Variants in ZMAT3 observed in about 807,000 individuals in gnomAD.
ZMAT3 encodes the protein zinc finger matrin-type 3.
A neutral mutation model predicts 32.3 loss-of-function variants in ZMAT3; 17 were observed. The ratio of observed to expected loss-of-function variants is 0.53; its 90% CI spans 0.36 to 0.79. ZMAT3 has a LOEUF of 0.79. Among genes scored for constraint, ZMAT3 ranks in the 30% least tolerant of loss-of-function variants. The probability of loss-of-function intolerance (pLI) is 0.00; values close to 1 mark genes in which losing one functional copy is unlikely to be tolerated. For missense variants in ZMAT3, 329 were observed against 359.7 expected, an observed-to-expected ratio of 0.91 and a Z score of 0.69; for synonymous variants, 120 against 133.1, an observed-to-expected ratio of 0.90 and a Z score of 0.68.
chr3:179,052,791 T>C (rs1357828023), intron 2 of ZMAT3, among the ~76,000 whole-genome samples: 3 of 152,248 alleles, frequency 2.0e-5, no homozygotes, highest in African/African-American at 7.2e-5. Flanking sequence ...ATATATACTA[T>C]GGAATACTAC....
rs921659117 is a variant in ZMAT3 at position 179,021,123 on chromosome 3, T to C, written c.*3894A>G. The C allele has an allele frequency of 6.6e-6, 1 of 152,200 alleles. No individual in the cohort carries two copies. The highest frequency in any genetic ancestry group is 2.4e-5 in the African/African-American group (1 of 41,454). The allele number at this position is 152,200 out of a possible 1,614,324, so 9.4% of individuals were successfully genotyped here. A position where few individuals can be genotyped will look rare whatever the true frequency, so the allele number is the denominator to read the frequency against. ...GAAGAAGAGTTGGAGGAGGAACTTT[T>C]TCCAAATAAATGGTATAAAAAAATT... On this transcript the variant is annotated 3_prime_UTR_variant, in exon 6 of 6. Coordinates refer to ENST00000311417, the MANE Select transcript of ZMAT3 (RefSeq NM_022470.4).
At chr3:179,026,383 T>C (rs1318651274) in intron 5 of ZMAT3, among the ~76,000 whole-genome samples, 1 of 134,386 alleles carries the variant, frequency 7.4e-6, no homozygotes, top group Non-Finnish European at 1.6e-5. Context: ...ATTGTGCTTT[T>C]TTTTTTTTTT....
intron 2 of ZMAT3, among the ~76,000 whole-genome samples, chr3:179,063,592 T>C (rs866908194): frequency 2.6e-5 from 4 of 152,352 alleles, no homozygotes; most frequent in South Asian, 2.1e-4. Context: ...GTGGATGCCT[T>C]AGCAAAATTC....
rs1718790852 is a variant in ZMAT3 at position 179,025,054 on chromosome 3, C to T, written c.833G>A (p.Arg278Gln). ...CAGATTCTCCATCTCATTCCTGTAC[C>T]GCTGTTCAGACACCTTGCTCTTATG... ...KQHKSKVSEQ[R>Q]YRNEMENLGY... Residue 278 changes from arginine to glutamine, a missense_variant, in exon 6 of 6, where the codon CGG (arginine) becomes CAG (glutamine). By Grantham distance (43) the Arg-to-Gln change is conservative. Transcript: ENST00000311417. The T allele has an allele frequency of 4.3e-6, 7 of 1,614,172 alleles. No homozygotes were observed. Among genetic ancestry groups the T allele is most frequent in the Non-Finnish European group, 5.9e-6 (7 of 1,180,040 alleles).
intron 2 of ZMAT3, among the ~76,000 whole-genome samples, chr3:179,058,286 C>T (rs1033863923): frequency 2.6e-5 from 4 of 152,322 alleles, no homozygotes; most frequent in Admixed American, 2.6e-4. Flanking sequence ...GCCAGTGCTG[C>T]GACTGTGCAC....
intron 2 of ZMAT3, among the ~76,000 whole-genome samples, chr3:179,047,711 T>C (rs1432642703): frequency 9.2e-6 from 1 of 109,078 alleles, no homozygotes; most frequent in Admixed American, 9.4e-5. Context: ...AAAAAAAAAA[T>C]AGCCGGATGT....
At chr3:179,033,594 A>AT (rs1719420002) in intron 2 of ZMAT3, among the ~76,000 whole-genome samples, 1 of 152,006 alleles carries the variant, frequency 6.6e-6, no homozygotes, top group Non-Finnish European at 1.5e-5. Context: ...CCAGTGACTT[A>AT]TGTCCTCACC....
chr3:179,025,006 T>C lies in ZMAT3; in HGVS notation c.*11A>G, dbSNP rs1270467233. ...GGCAGGAAAAGCTGCTCTATCTTAA[T>C]ATGATAATCACTATACATATCCCAG... On this transcript the variant is annotated 3_prime_UTR_variant, in exon 6 of 6. Coordinates refer to ENST00000311417, the MANE Select transcript of ZMAT3 (RefSeq NM_022470.4). 5.0e-6 allele frequency: 8 copies of C among 1,613,832 alleles called. No individual in the cohort carries two copies. The highest frequency in any genetic ancestry group is 2.2e-5 in the East Asian group (1 of 44,884).
At chr3:179,043,903 G>A (rs898395198) in intron 2 of ZMAT3, among the ~76,000 whole-genome samples, 2 of 152,086 alleles carry the variant, frequency 1.3e-5, no homozygotes, top group African/African-American at 4.8e-5. Flanking sequence ...TCAAAAAGTG[G>A]GCAAAGGATA....
chr3:179,070,115 G>GA (rs143499417), intron 1 of ZMAT3, among the ~76,000 whole-genome samples: 21,448 of 149,706 alleles, frequency 0.14, 1,640 homozygotes, highest in Middle Eastern at 0.21. Context: ...TGAAAAGGTG[G>GA]GGGGGGGTGT....
chr3:179,067,443 T>C, intron 2 of ZMAT3, 40 bp downstream of exon 2: 1 of 1,603,998 alleles, frequency 6.2e-7, no homozygotes, highest in Non-Finnish European at 8.5e-7. Flanking sequence ...CCCTGAAATG[T>C]TCACCCTACT....
At chr3:179,030,722 T>A (rs932797437) in intron 3 of ZMAT3, among the ~76,000 whole-genome samples, 158 bp downstream of exon 3, 13 of 152,206 alleles carry the variant, frequency 8.5e-5, no homozygotes, top group Non-Finnish European at 1.5e-4. Context: ...AATCCAGCAC[T>A]GTAGTTCAAG....
chr3:179,018,452 A>C lies in ZMAT3; in HGVS notation c.*6565T>G, dbSNP rs1718383139. On this transcript the variant is annotated 3_prime_UTR_variant, in exon 6 of 6. Transcript: ENST00000311417. ...TTCAAAGAACTGCCAGATGTCTAAA[A>C]AAAAAAGTGTAATTAGTAAAAATAT... is the stretch of plus-strand genomic sequence containing the variant. 6.6e-6 allele frequency: 1 copy of C among 152,178 alleles called. No homozygotes were observed. Among genetic ancestry groups the C allele is most frequent in the Non-Finnish European group, 1.5e-5 (1 of 68,016 alleles). The allele number at this position is 152,178 out of a possible 1,614,324, so 9.4% of individuals were successfully genotyped here.
At chr3:179,059,543 A>G (rs1050555020) in intron 2 of ZMAT3, among the ~76,000 whole-genome samples, 2 of 152,180 alleles carry the variant, frequency 1.3e-5, no homozygotes, top group African/African-American at 4.8e-5. Flanking sequence ...CAATCCCTGT[A>G]TCTTTAACCT....
intron 2 of ZMAT3, among the ~76,000 whole-genome samples, chr3:179,062,664 A>G (rs1721209631): frequency 6.6e-6 from 1 of 152,234 alleles, no homozygotes; most frequent in South Asian, 2.1e-4. Flanking sequence ...TATTGGGTAA[A>G]TGGACTAAGC....
At chr3:179,068,219 C>T (rs1331219847) in intron 1 of ZMAT3, among the ~76,000 whole-genome samples, 4 of 152,148 alleles carry the variant, frequency 2.6e-5, no homozygotes, top group Non-Finnish European at 4.4e-5. Flanking sequence ...AAAAACACCA[C>T]GAGCTGTCCA....
intron 3 of ZMAT3, among the ~76,000 whole-genome samples, chr3:179,028,394 G>T (rs1191733121): frequency 1.3e-5 from 2 of 152,196 alleles, no homozygotes; most frequent in Non-Finnish European, 2.9e-5. Flanking sequence ...CCAGAAGATA[G>T]TAGGCATTCA....
At chr3:179,028,901 T>A (rs768248018) in intron 3 of ZMAT3, among the ~76,000 whole-genome samples, 2 of 152,202 alleles carry the variant, frequency 1.3e-5, no homozygotes, top group African/African-American at 4.8e-5. Context: ...GGCTCATGCC[T>A]GTAGTCCCAG....
chr3:179,058,422 C>T (rs1054644887), intron 2 of ZMAT3, among the ~76,000 whole-genome samples: 5 of 152,214 alleles, frequency 3.3e-5, no homozygotes, highest in Non-Finnish European at 5.9e-5. Flanking sequence ...CTTGACTGAT[C>T]CCAACATCAA....
Sources: gnomAD v4.1 joint callset for allele counts (sites outside exome capture counted in the v4.1 genomes callset) on GRCh38, gnomAD v4.1.1 for gene constraint, MANE v1.5 for transcripts, NCBI Gene and HGNC (gene_info 2026-07-23, HGNC 2026-07-21) for gene names.